Variants in CUX1 observed in about 807,000 individuals in gnomAD.
CUX1 encodes the protein protein CASP.
CUX1 carries 31 observed loss-of-function variants against 158.8 expected under a neutral mutation model. That is an observed-to-expected ratio of 0.20 (90% confidence interval 0.15 to 0.26). CUX1 has a LOEUF of 0.26. Ranked by LOEUF, CUX1 falls within the 10% of genes least tolerant of loss-of-function variation. CUX1 has a pLI of 1.00. For missense variants in CUX1, 1,589 were observed against 2,014.6 expected (o/e 0.79, Z 4.04); for synonymous variants, 879 against 862.1 (o/e 1.02, Z -0.34).
In CUX1 at chr7:101,993,579, G is replaced by A. The variant is rs189530801; in HGVS notation, c.142-34519G>A. Among the ~76,000 whole-genome samples the A allele has an allele frequency of 2.4e-3, 372 of 152,276 alleles. 3 individuals are homozygous for A. The highest frequency in any genetic ancestry group is 0.022 in the Admixed American group (334 of 15,290). On this transcript the variant is annotated intron_variant, in intron 2 of 23. Transcript: ENST00000292535. ...AAAGTGCCTGGCACTCTGCGCGACT[G>A]CTATTTTTTCATTCATTCATATATT...
intron 8 of CUX1, among the ~76,000 whole-genome samples, chr7:102,123,463 G>A (rs1225016764): frequency 1.3e-5 from 2 of 151,612 alleles, no homozygotes; most frequent in Non-Finnish European, 2.9e-5. Flanking sequence ...TAAAAAATGA[G>A]CCAGGCGTGG....
intron 8 of CUX1, among the ~76,000 whole-genome samples, chr7:102,145,212 T>G (rs901012236): frequency 6.6e-6 from 1 of 152,130 alleles, no homozygotes; most frequent in African/African-American, 2.4e-5. Flanking sequence ...TTTCTTTTCC[T>G]TGCAATGTAT....
At chr7:102,110,317 TTA>T (rs1293361866) in intron 6 of CUX1, among the ~76,000 whole-genome samples, 3 of 152,360 alleles carry the variant, frequency 2.0e-5, no homozygotes, top group African/African-American at 4.8e-5. Context: ...CATATTCACA[TTA>T]TGTTATAGCA....
Position 101,957,744 on chromosome 7 carries a change from T to A in CUX1, c.141+41519T>A, listed in dbSNP as rs1384883180. On this transcript the variant is annotated intron_variant, in intron 2 of 23. Coordinates refer to ENST00000292535, the MANE Select transcript of CUX1 (RefSeq NM_181552.4). Reference sequence around the variant, plus strand: ...CCATCTCTTAAAAAATAAAATAATTTAAAAAAAACAAGAGAATGTTACTTT... The same window carrying A: ...CCATCTCTTAAAAAATAAAATAATTAAAAAAAAACAAGAGAATGTTACTTT... Among the ~76,000 whole-genome samples the A allele has an allele frequency of 2.6e-5, 4 of 151,604 alleles. No homozygotes were observed. In the East Asian group the frequency reaches 5.8e-4, roughly 22 times the overall value.
At chr7:101,852,818 A>G (rs550541747) in intron 1 of CUX1, among the ~76,000 whole-genome samples, 1 of 151,802 alleles carries the variant, frequency 6.6e-6, no homozygotes, top group East Asian at 2.0e-4. Flanking sequence ...CTGGGATTAT[A>G]GGCACATGCC....
chr7:101,879,338 T>C (rs1343885380), intron 1 of CUX1, among the ~76,000 whole-genome samples: 1 of 152,038 alleles, frequency 6.6e-6, no homozygotes, highest in Admixed American at 6.6e-5. Context: ...CTGTCAGATC[T>C]CCCCTGTACA....
intron 1 of CUX1, among the ~76,000 whole-genome samples, chr7:101,846,373 C>T (rs1795689692): frequency 6.6e-6 from 1 of 151,722 alleles, no homozygotes; most frequent in African/African-American, 2.4e-5. Context: ...GGCAGGAGTG[C>T]AGTGGTGCAA....
chr7:102,132,513 C>G (rs1337174129), intron 8 of CUX1, among the ~76,000 whole-genome samples: 3 of 151,700 alleles, frequency 2.0e-5, no homozygotes, highest in African/African-American at 7.3e-5. Flanking sequence ...TTCCTCTGCC[C>G]GACCATACCT....
rs116329244 is a variant in CUX1, at chr7:102,083,312, C to T, written c.268+12895C>T. Among the ~76,000 whole-genome samples the T allele has an allele frequency of 7.2e-4, 106 of 147,124 alleles. 6 individuals carry two copies. The highest frequency in any genetic ancestry group is 2.4e-3 in the African/African-American group (100 of 41,196). ...TTTATAAAGGTTTCAATCCCTTGCA[C>T]ATTTGAATTTTGGAGACAGGGTCTT... On this transcript the variant is annotated intron_variant, in intron 4 of 23. Coordinates refer to ENST00000292535, the MANE Select transcript of CUX1 (RefSeq NM_181552.4).
At chr7:101,852,503 A>G (rs1796371069) in intron 1 of CUX1, among the ~76,000 whole-genome samples, 3 of 151,836 alleles carry the variant, frequency 2.0e-5, no homozygotes, top group Admixed American at 2.0e-4. Context: ...CTGTAGTCCC[A>G]GCTACTTGGG....
chr7:101,995,017 A>G (rs1008708778), intron 2 of CUX1, among the ~76,000 whole-genome samples: 1 of 151,586 alleles, frequency 6.6e-6, no homozygotes, highest in East Asian at 1.9e-4. Flanking sequence ...GGATCATTTG[A>G]TCCCGGGAAG....
intron 18 of CUX1, among the ~76,000 whole-genome samples, chr7:102,279,770 C>T (rs1222638403): frequency 2.4e-4 from 37 of 152,206 alleles, no homozygotes; most frequent in African/African-American, 8.7e-4. Flanking sequence ...CAGCTGCGCC[C>T]GGCCCTGCCT....
chr7:102,179,525 G>T (rs1423817940), intron 11 of CUX1, among the ~76,000 whole-genome samples: 2 of 152,174 alleles, frequency 1.3e-5, no homozygotes, highest in African/African-American at 4.8e-5. Flanking sequence ...TTCCCTCAGT[G>T]GCCCCTGTCC....
At chr7:101,890,201 G>A (rs961215698) in intron 1 of CUX1, among the ~76,000 whole-genome samples, 2 of 152,220 alleles carry the variant, frequency 1.3e-5, no homozygotes, top group Admixed American at 6.5e-5. Flanking sequence ...TTGACGGGGA[G>A]CCCTGAAGCC....
At chr7:101,932,624 T>TG (rs1236766222) in intron 2 of CUX1, 6 of 454,980 alleles carry the variant, frequency 1.3e-5, no homozygotes, top group Non-Finnish European at 2.7e-5. Context: ...CGGGGAAAGG[T>TG]GATAGCTTCT....
intron 1 of CUX1, among the ~76,000 whole-genome samples, chr7:101,826,136 G>A (rs188923553): frequency 1.4e-4 from 21 of 152,064 alleles, no homozygotes; most frequent in African/African-American, 5.1e-4. Flanking sequence ...CTTATTTGGG[G>A]GAGCTCCCTC....
At chr7:102,129,108 C>A (rs1310454918) in intron 8 of CUX1, among the ~76,000 whole-genome samples, 5 of 152,184 alleles carry the variant, frequency 3.3e-5, no homozygotes, top group African/African-American at 1.2e-4. Flanking sequence ...CTGCTTACCT[C>A]CCCCTGCTCA....
chr7:101,984,490 C>T (rs58809400), intron 2 of CUX1, among the ~76,000 whole-genome samples: 1 of 135,508 alleles, frequency 7.4e-6, no homozygotes, highest in African/African-American at 2.7e-5. Flanking sequence ...TCAGATTGTT[C>T]TCCGGCAAAA....
chr7:101,840,570 T>C (rs1795111494), intron 1 of CUX1, among the ~76,000 whole-genome samples: 1 of 152,198 alleles, frequency 6.6e-6, no homozygotes, highest in South Asian at 2.1e-4. Context: ...TTTATTGCTT[T>C]CTGGGATAAA....
Sources: allele counts gnomAD v4.1 joint callset (sites outside exome capture counted in the v4.1 genomes callset), GRCh38; gene constraint gnomAD v4.1.1; transcripts MANE v1.5; gene names NCBI Gene and HGNC (gene_info 2026-07-23, HGNC 2026-07-21).